Variants in MASP2 observed in about 807,000 individuals in gnomAD.
The protein encoded by MASP2 is mannan-binding lectin serine protease 2.
A neutral mutation model predicts 57.1 loss-of-function variants in MASP2; 49 were observed. That is an observed-to-expected ratio of 0.86 (90% CI 0.68 to 1.09). MASP2 has a LOEUF of 1.09. Ranked by LOEUF, MASP2 falls within the 50% of genes least tolerant of loss-of-function variation. The pLI is 0.00. For missense variants in MASP2, 900 were observed against 874.8 expected, an observed-to-expected ratio of 1.03 and a Z score of -0.36; for synonymous variants, 379 against 340.8, an observed-to-expected ratio of 1.11 and a Z score of -1.24.
At chr1:11,039,798 A>G (rs1557672859) in intron 6 of MASP2, among the ~76,000 whole-genome samples, 1 of 142,852 alleles carries the variant, frequency 7.0e-6, no homozygotes, top group Non-Finnish European at 1.5e-5. Flanking sequence ...TTGGATGAAT[A>G]GAAGAATGGA....
intron 6 of MASP2, 126 bp downstream of exon 6, chr1:11,042,749 C>T: frequency 9.0e-7 from 1 of 1,112,190 alleles, no homozygotes; most frequent in Non-Finnish European, 1.3e-6. Flanking sequence ...ACCTCAGACA[C>T]CACTAAACCT....
At chr1:11,043,739 G>A (rs755421910) in intron 4 of MASP2, among the ~76,000 whole-genome samples, 3 of 152,098 alleles carry the variant, frequency 2.0e-5, no homozygotes, top group African/African-American at 4.8e-5. Flanking sequence ...TGGCTGAGGG[G>A]CCGCTTAGAG....
Position 11,047,033 on chromosome 1 carries a change from G to A in MASP2, c.92C>T (p.Ala31Val). ...ATACTCCCCTGGAAAGCCGGGGGAT[G>A]CCAGGCGCCCGAACACAGGTTCAGG... The part of the protein sequence containing the change: ...KWPEPVFGRL[A>V]SPGFPGEYAN... The change falls in exon 2 of 11, where the codon GCA (alanine) becomes GTA (valine). Residue 31 changes from alanine to valine, a missense_variant. Transcript: ENST00000400897. The A allele has an allele frequency of 6.4e-7, 1 of 1,551,498 alleles. No homozygotes were observed. The highest frequency in any genetic ancestry group is 1.2e-5 in the South Asian group (1 of 84,096).
At chr1:11,039,376 GGATA>G (rs1235044286) in intron 6 of MASP2, among the ~76,000 whole-genome samples, 3 of 117,560 alleles carry the variant, frequency 2.6e-5, no homozygotes, top group African/African-American at 7.3e-5. Context: ...ATGGATGGAT[GGATA>G]GATTGGTGGA....
chr1:11,030,474 C>T (rs1335317759), intron 9 of MASP2: 1 of 580,678 alleles, frequency 1.7e-6, no homozygotes, highest in Non-Finnish European at 3.0e-6. Flanking sequence ...GTATCAAGAT[C>T]TCAAGTGCTT....
intron 3 of MASP2, chr1:11,046,035 CG>C (rs561597171): frequency 1.1e-4 from 21 of 185,528 alleles, no homozygotes; most frequent in Non-Finnish European, 2.3e-4. Context: ...TTTTTTGAGA[CG>C]GAGTCTAGCT....
At chr1:11,045,382 G>A (rs374262376) in intron 4 of MASP2, 26 bp downstream of exon 4, 77 of 1,612,148 alleles carry the variant, frequency 4.8e-5, no homozygotes, top group Non-Finnish European at 5.9e-5. Flanking sequence ...GAGAGGGTGC[G>A]TTGGGGCCCA....
chr1:11,030,800 A>T lies in MASP2; in HGVS notation c.1170T>A (p.Ala390=), dbSNP rs1643830848. 3 of 1,614,082 alleles carry T rather than the reference A, an allele frequency of 1.9e-6. No homozygotes were observed. The highest frequency in any genetic ancestry group is 2.5e-6 in the Non-Finnish European group (3 of 1,179,980). Residue 390 remains alanine (A), a synonymous_variant, in exon 9 of 11, where the codon GCT becomes GCA. Coordinates refer to ENST00000400897, the MANE Select transcript of MASP2 (RefSeq NM_006610.4). ...ITGPGVTTYK[A]VIQYSCEETF... Reference sequence around the variant, plus strand: ...TCTCTTCACAGCTGTACTGAATCACAGCTTTGTAGGTGGTCACTCCAGGAC... The same window carrying T: ...TCTCTTCACAGCTGTACTGAATCACTGCTTTGTAGGTGGTCACTCCAGGAC...
chr1:11,043,441 G>GT lies in MASP2; in HGVS notation c.638dup (p.Tyr213Ter), dbSNP rs1638522915. 2 of 1,610,880 alleles carry GT rather than the reference G, an allele frequency of 1.2e-6. No individual in the cohort carries two copies. Among genetic ancestry groups the GT allele is most frequent in the Non-Finnish European group, 1.7e-6 (2 of 1,178,920 alleles). Residue 213 changes from tyrosine to a stop codon, truncating the protein, a stop_gained and frameshift_variant, in exon 5 of 11, where the codon TAC becomes TAAC. Transcript: ENST00000400897. LOFTEE classifies it high-confidence loss of function. ...RPYPKLSSCT[Y>*]SISLEEGFSV... ...TGAACCCCTCCTCCAGGCTGATGCTGTAAGTGCAACTGGAGAGTTTGGGAT... is the reference window on the plus strand; with the variant it reads ...TGAACCCCTCCTCCAGGCTGATGCTGTTAAGTGCAACTGGAGAGTTTGGGAT...
At chr1:11,029,399 C>CA (rs202243830) in intron 10 of MASP2, among the ~76,000 whole-genome samples, 7 of 147,664 alleles carry the variant, frequency 4.7e-5, no homozygotes, top group South Asian at 2.1e-4. Flanking sequence ...GATTCCGTCT[C>CA]AAAAAATAAT....
rs892729777 is a variant in MASP2, at chr1:11,045,606, C to G, written c.413-67G>C. The G allele has an allele frequency of 5.3e-6, 8 of 1,506,944 alleles. No homozygotes were observed. The South Asian group carries it at 1.0e-4, about 19-fold the overall frequency. 93.3% of individuals were successfully genotyped at this position (1,506,944 alleles called of 1,614,324 possible). ...GAGGCGGGATCCAGCCTGGACTCCT[C>G]CCAGGAGATCCATGACCTCAGAGTG... On this transcript the variant is annotated intron_variant, in intron 3 of 10. Transcript: ENST00000400897.
At chr1:11,034,721 GAAAA>G (rs1643875458) in intron 8 of MASP2, 103 bp downstream of exon 8, 1 of 699,492 alleles carries the variant, frequency 1.4e-6, no homozygotes, top group Non-Finnish European at 2.3e-6. Context: ...AAAAGGGAAA[GAAAA>G]AAGAAAGTAA....
At chr1:11,030,368 T>C in intron 9 of MASP2, 118 bp from the exon 10 acceptor site, 1 of 683,460 alleles carries the variant, frequency 1.5e-6, no homozygotes, top group Non-Finnish European at 2.5e-6. Context: ...TAGAGGTGTC[T>C]GAAGAACCAT....
rs1643740749 is a variant in MASP2, at chr1:11,026,826, T to C, written c.*59A>G. On this transcript the variant is annotated 3_prime_UTR_variant, in exon 11 of 11. Coordinates refer to ENST00000400897, the MANE Select transcript of MASP2 (RefSeq NM_006610.4). Reference sequence around the variant, plus strand: ...ATGAATGCTTCTCGAGCCACGTCGCTGCCAAGGTCTTCACAGGCATTTCTA... The same window carrying C: ...ATGAATGCTTCTCGAGCCACGTCGCCGCCAAGGTCTTCACAGGCATTTCTA... 45 of 1,408,598 alleles carry C rather than the reference T, an allele frequency of 3.2e-5. No individual in the cohort carries two copies. Among genetic ancestry groups the C allele is most frequent in the Non-Finnish European group, 4.0e-5 (43 of 1,064,582 alleles). The allele number at this position is 1,408,598 out of a possible 1,614,324, so 87.3% of individuals were successfully genotyped here.
In MASP2 at chr1:11,042,969, G is replaced by T. The variant is rs749305641; in HGVS notation, c.795C>A (p.His265Gln). ...HGPFCGKTLPHRIETKSNTVT... is the reference protein window; with the variant it reads ...HGPFCGKTLPQRIETKSNTVT... ...CCGTGTTGCTTTTTGTTTCAATCCT[G>T]TGGGGCAATGTCTTCCCACAGAATG... Residue 265 changes from histidine to glutamine, a missense_variant, in exon 6 of 11, where the codon CAC becomes CAA. Physicochemically the swap from His to Gln is conservative, Grantham distance 24. Transcript: ENST00000400897. 6.2e-7 allele frequency: 1 copy of T among 1,614,032 alleles called. No individual in the cohort carries two copies. Among genetic ancestry groups the T allele is most frequent in the Non-Finnish European group, 8.5e-7 (1 of 1,179,930 alleles).
chr1:11,037,126 C>T (rs940452748), intron 7 of MASP2, among the ~76,000 whole-genome samples: 1 of 152,164 alleles, frequency 6.6e-6, no homozygotes, highest in African/African-American at 2.4e-5. Context: ...GATTTCGGCT[C>T]ACCGCAACCT....
rs568338730 is a variant in MASP2, at chr1:11,042,873, A to C, written c.889+2T>G. ...GCCAAGATCTGAGACCCACTTGCTC[A>C]CCTGTGCTCGTGTAGTGGATCTTCC... On this transcript the variant is annotated splice_donor_variant, in intron 6 of 10. Coordinates refer to ENST00000400897, the MANE Select transcript of MASP2 (RefSeq NM_006610.4). LOFTEE classifies it high-confidence loss of function. The C allele has an allele frequency of 6.2e-7, 1 of 1,613,636 alleles. No homozygotes were observed. The highest frequency in any genetic ancestry group is 1.3e-5 in the African/African-American group (1 of 74,996).
intron 6 of MASP2, among the ~76,000 whole-genome samples, chr1:11,041,782 A>C (rs958946621): frequency 1.4e-3 from 204 of 150,882 alleles, no homozygotes; most frequent in Middle Eastern, 3.5e-3. Context: ...GGGTGGATGG[A>C]TGGATGGATG....
rs1254064492 is a variant in MASP2, at chr1:11,043,383, C to T, written c.697G>A (p.Val233Met). ...CACAGGGTTTCAGGGTGTGTCTCCA[C>T]ATCGAAGGACTCCACAAAGTCCAGA... Reference protein sequence around the residue: ...VILDFVESFDVETHPETLCPY... With the variant: ...VILDFVESFDMETHPETLCPY... The change falls in exon 5 of 11, where the codon GTG becomes ATG. Residue 233 changes from valine (V) to methionine (M), a missense_variant. Transcript: ENST00000400897. The T allele has an allele frequency of 2.5e-6, 4 of 1,609,574 alleles. No homozygotes were observed. Among genetic ancestry groups the T allele is most frequent in the Non-Finnish European group, 3.4e-6 (4 of 1,178,410 alleles).
Sources: gnomAD v4.1 joint callset for allele counts (sites outside exome capture counted in the v4.1 genomes callset) on GRCh38, gnomAD v4.1.1 for gene constraint, MANE v1.5 for transcripts, NCBI Gene and HGNC (gene_info 2026-07-23, HGNC 2026-07-21) for gene names.